The following METAP1 variants were observed in gnomAD, a reference collection of about 807,000 sequenced individuals.
METAP1 encodes methionine aminopeptidase 1.
In METAP1, 28 loss-of-function variants were observed where a neutral mutation model predicts 53.8. The ratio of observed to expected loss-of-function variants is 0.52; its 90% CI spans 0.39 to 0.71. The LOEUF is 0.71. METAP1 is among the 30% of genes least tolerant of loss of function. METAP1 has a pLI of 0.00. For missense variants in METAP1, 389 were observed against 479.8 expected, an observed-to-expected ratio of 0.81 and a Z score of 1.77; for synonymous variants, 181 against 165.7, an observed-to-expected ratio of 1.09 and a Z score of -0.71.
intron 1 of METAP1, among the ~76,000 whole-genome samples, chr4:98,996,991 T>C (rs996673358): frequency 2.5e-4 from 38 of 152,302 alleles, no homozygotes; most frequent in African/African-American, 9.1e-4. Context: ...GAGGGGATGA[T>C]TATAGCTTTC....
intron 10 of METAP1, among the ~76,000 whole-genome samples, chr4:99,060,125 C>A (rs1369701830): frequency 6.6e-6 from 1 of 152,100 alleles, no homozygotes; most frequent in African/African-American, 2.4e-5. Flanking sequence ...AAATACACAT[C>A]TCATTTTTAA....
intron 5 of METAP1, 96 bp downstream of exon 5, chr4:99,039,561 A>T (rs1579305343): frequency 4.3e-6 from 3 of 690,992 alleles, no homozygotes; most frequent in Non-Finnish European, 7.3e-6. Flanking sequence ...AGCAAATGTT[A>T]TATTGTTAGA....
intron 1 of METAP1, among the ~76,000 whole-genome samples, chr4:99,013,114 G>A (rs1723567604): frequency 6.6e-6 from 1 of 152,072 alleles, no homozygotes. Context: ...TTGACACATT[G>A]GATTGAGAGT....
intron 9 of METAP1, among the ~76,000 whole-genome samples, chr4:99,051,219 G>A (rs1447814061): frequency 3.3e-5 from 5 of 152,062 alleles, no homozygotes; most frequent in Non-Finnish European, 7.4e-5. Flanking sequence ...GAAAGAGAGA[G>A]ACTGAAGACA....
At chr4:99,005,839 C>T (rs1045315765) in intron 1 of METAP1, 4 of 412,780 alleles carry the variant, frequency 9.7e-6, no homozygotes, top group South Asian at 1.8e-5. Flanking sequence ...AGTACCAGGT[C>T]GTCTCGCTTA....
intron 9 of METAP1, among the ~76,000 whole-genome samples, chr4:99,049,458 T>G (rs1219742474): frequency 6.6e-6 from 1 of 152,212 alleles, no homozygotes; most frequent in Non-Finnish European, 1.5e-5. Context: ...GTGTTTAATG[T>G]ATGTCAGATC....
At chr4:99,059,925 T>C (rs979916894) in intron 10 of METAP1, among the ~76,000 whole-genome samples, 3 of 152,210 alleles carry the variant, frequency 2.0e-5, no homozygotes, top group African/African-American at 7.2e-5. Context: ...CACTGTATAA[T>C]CTGTTCTCAC....
chr4:99,023,120 C>G (rs925539742), intron 1 of METAP1: 1 of 969,230 alleles, frequency 1.0e-6, no homozygotes, highest in Non-Finnish European at 1.5e-6. Context: ...TCTCCGATTC[C>G]TCTGCCTCCG....
intron 2 of METAP1, among the ~76,000 whole-genome samples, chr4:99,032,317 T>A (rs1725102649): frequency 6.6e-6 from 1 of 151,120 alleles, no homozygotes; most frequent in Admixed American, 6.6e-5. Flanking sequence ...AGCCTTAACC[T>A]CCTGGGCTCG....
intron 1 of METAP1, among the ~76,000 whole-genome samples, chr4:99,022,061 A>G (rs780713647): frequency 3.3e-5 from 5 of 152,192 alleles, no homozygotes; most frequent in Non-Finnish European, 7.4e-5. Flanking sequence ...GCAGTAGGCA[A>G]CCAAGAGTCA....
At chr4:99,028,142 C>T (rs1390513193) in intron 1 of METAP1, among the ~76,000 whole-genome samples, 1 of 152,134 alleles carries the variant, frequency 6.6e-6, no homozygotes, top group Non-Finnish European at 1.5e-5. Flanking sequence ...TAAATAAAGT[C>T]TATGTCTGTT....
At chr4:99,012,107 T>G (rs986479760) in intron 1 of METAP1, among the ~76,000 whole-genome samples, 13 of 152,164 alleles carry the variant, frequency 8.5e-5, no homozygotes, top group Non-Finnish European at 2.9e-5. Flanking sequence ...TGCTGTGTTG[T>G]CCAGGCCGGT....
intron 1 of METAP1, among the ~76,000 whole-genome samples, chr4:99,024,148 C>G (rs1324321413): frequency 6.6e-6 from 1 of 152,168 alleles, no homozygotes; most frequent in Non-Finnish European, 1.5e-5. Context: ...GGAAAAGCAT[C>G]GTAAAAATCC....
intron 1 of METAP1, among the ~76,000 whole-genome samples, chr4:99,018,385 G>A (rs1256680919): frequency 6.6e-6 from 1 of 152,130 alleles, no homozygotes; most frequent in Non-Finnish European, 1.5e-5. Context: ...TCCATATATA[G>A]GATTAATTGT....
At chr4:99,022,265 C>T (rs529341235) in intron 1 of METAP1, 4 of 548,492 alleles carry the variant, frequency 7.3e-6, no homozygotes, top group South Asian at 9.0e-5. Flanking sequence ...ATGAGGTAGA[C>T]AGGAAACAGA....
intron 1 of METAP1, among the ~76,000 whole-genome samples, chr4:99,024,525 G>A (rs1011851553): frequency 6.6e-6 from 1 of 152,170 alleles, no homozygotes; most frequent in Non-Finnish European, 1.5e-5. Context: ...CTCTTGTGCC[G>A]AGTCAGTTCC....
At chr4:99,045,632 T>C (rs1458413515) in intron 8 of METAP1, among the ~76,000 whole-genome samples, 2 of 152,230 alleles carry the variant, frequency 1.3e-5, no homozygotes, top group South Asian at 2.1e-4. Context: ...TACATAAATA[T>C]TATGTTCTCC....
chr4:99,032,990 A>G (rs1371114893), intron 2 of METAP1, among the ~76,000 whole-genome samples: 3 of 152,076 alleles, frequency 2.0e-5, no homozygotes, highest in Non-Finnish European at 2.9e-5. Context: ...ATATGAATGG[A>G]TTTTCCATAT....
chr4:99,026,685 TCTA>T (rs1319022177), intron 1 of METAP1: 1 of 985,294 alleles, frequency 1.0e-6, no homozygotes. Flanking sequence ...GTATTCCTCT[TCTA>T]CTGGGGAATA....
Sources: gnomAD v4.1 joint callset for allele counts (sites outside exome capture counted in the v4.1 genomes callset) on GRCh38, gnomAD v4.1.1 for gene constraint, MANE v1.5 for transcripts, NCBI Gene and HGNC (gene_info 2026-07-23, HGNC 2026-07-21) for gene names.